EPHA7: variants seen among roughly 807,000 people sequenced by gnomAD.
The protein encoded by EPHA7 is ephrin type-A receptor 7.
Under a neutral mutation model 112.6 loss-of-function variants are expected in EPHA7, and 25 were observed. The ratio of observed to expected loss-of-function variants is 0.22; its 90% CI spans 0.16 to 0.31. The LOEUF is 0.31. Ranked by LOEUF, EPHA7 falls within the 10% of genes least tolerant of loss-of-function variation. The pLI is 1.00. For missense variants in EPHA7, 962 were observed against 1,212.6 expected, an observed-to-expected ratio of 0.79 and a Z score of 3.07; for synonymous variants, 437 against 406.5, an observed-to-expected ratio of 1.07 and a Z score of -0.90.
chr6:93,304,209 G>A (rs967855071), intron 5 of EPHA7, among the ~76,000 whole-genome samples: 5 of 150,636 alleles, frequency 3.3e-5, no homozygotes, highest in Non-Finnish European at 5.9e-5. Flanking sequence ...CATTGAGCAA[G>A]TATATACTTG....
chr6:93,408,076 G>A (rs892421311), intron 3 of EPHA7, among the ~76,000 whole-genome samples: 2 of 151,848 alleles, frequency 1.3e-5, no homozygotes, highest in South Asian at 2.1e-4. Flanking sequence ...ACAAAAACCC[G>A]TAATCTTCTT....
At chr6:93,371,968 GA>G (rs1300244904) in intron 3 of EPHA7, among the ~76,000 whole-genome samples, 1 of 152,136 alleles carries the variant, frequency 6.6e-6, no homozygotes, top group East Asian at 1.9e-4. Context: ...GTCACAGATG[GA>G]TACCAGGTGG....
chr6:93,388,472 A>T (rs1488653566), intron 3 of EPHA7, among the ~76,000 whole-genome samples: 1 of 152,128 alleles, frequency 6.6e-6, no homozygotes, highest in African/African-American at 2.4e-5. Flanking sequence ...CTTCATTTAT[A>T]TGTGTAATCA....
At chr6:93,417,424 C>T (rs893799189) in intron 1 of EPHA7, among the ~76,000 whole-genome samples, 2 of 152,222 alleles carry the variant, frequency 1.3e-5, no homozygotes, top group African/African-American at 4.8e-5. Flanking sequence ...ACCACCCTCC[C>T]TCCCATCACC....
intron 14 of EPHA7, 36 bp downstream of exon 14, chr6:93,254,611 T>G (rs1770355595): frequency 6.3e-7 from 1 of 1,588,784 alleles, no homozygotes; most frequent in African/African-American, 1.3e-5. Context: ...CATTAATGTA[T>G]TCAATCCTTT....
chr6:93,260,542 T>TG, intron 9 of EPHA7: 1 of 960,426 alleles, frequency 1.0e-6, no homozygotes. Flanking sequence ...TCTTACTATT[T>TG]GGAGAACAAT....
chr6:93,310,922 T>C (rs1160502876), intron 5 of EPHA7, among the ~76,000 whole-genome samples: 1 of 152,112 alleles, frequency 6.6e-6, no homozygotes, highest in Admixed American at 6.6e-5. Flanking sequence ...GCTGCATCAA[T>C]TGACACTTCC....
intron 3 of EPHA7, among the ~76,000 whole-genome samples, chr6:93,377,163 TGGAGGA>T (rs1418574446): frequency 1.3e-5 from 2 of 152,182 alleles, no homozygotes; most frequent in African/African-American, 4.8e-5. Context: ...TAACTGGGTG[TGGAGGA>T]GGTCTGTTAC....
At chr6:93,340,793 A>G (rs1775100623) in intron 5 of EPHA7, among the ~76,000 whole-genome samples, 1 of 151,956 alleles carries the variant, frequency 6.6e-6, no homozygotes, top group Non-Finnish European at 1.5e-5. Context: ...ATATGTCTTC[A>G]ATTATTTTTG....
chr6:93,398,772 G>C (rs1778301829), intron 3 of EPHA7, among the ~76,000 whole-genome samples: 1 of 152,028 alleles, frequency 6.6e-6, no homozygotes, highest in Non-Finnish European at 1.5e-5. Context: ...AATTTACAAA[G>C]GAGGGAAATG....
chr6:93,252,430 C>T (rs1280600243), intron 14 of EPHA7, among the ~76,000 whole-genome samples: 1 of 83,830 alleles, frequency 1.2e-5, no homozygotes, highest in Non-Finnish European at 3.0e-5. Context: ...GGCAACCTTC[C>T]CAGAAAAAAA....
intron 2 of EPHA7, among the ~76,000 whole-genome samples, chr6:93,413,161 T>C (rs775287141): frequency 1.3e-5 from 2 of 152,010 alleles, no homozygotes; most frequent in African/African-American, 2.4e-5. Context: ...TCAAAACTTA[T>C]ATCTCAAGAA....
At chr6:93,397,346 C>A (rs117092495) in intron 3 of EPHA7, among the ~76,000 whole-genome samples, 5 of 150,626 alleles carry the variant, frequency 3.3e-5, no homozygotes, top group Non-Finnish European at 4.5e-5. Context: ...TTCTATAAAA[C>A]AGAGTAAACA....
At chr6:93,363,214 C>T (rs543334581) in intron 3 of EPHA7, among the ~76,000 whole-genome samples, 2 of 152,180 alleles carry the variant, frequency 1.3e-5, no homozygotes, top group Admixed American at 1.3e-4. Context: ...TATAGGTGTT[C>T]AGAACCAACA....
Position 93,300,573 on chromosome 6 carries a change from T to C in EPHA7, c.1325-28151A>G, listed in dbSNP as rs1027396464. Among the ~76,000 whole-genome samples the C allele has an allele frequency of 6.6e-5, 10 of 152,164 alleles. No individual in the cohort carries two copies. The East Asian group carries it at 1.9e-3, about 29-fold the overall frequency. On this transcript the variant is annotated intron_variant, in intron 5 of 16. Transcript: ENST00000369303. ...ACAATAATAAACAGTCCTCGATGTT[T>C]AGTCAAATTTTGCTAACACTTAATC... is the stretch of plus-strand genomic sequence containing the variant.
At chr6:93,382,138 G>A (rs914826511) in intron 3 of EPHA7, among the ~76,000 whole-genome samples, 4 of 152,110 alleles carry the variant, frequency 2.6e-5, no homozygotes, top group Non-Finnish European at 5.9e-5. Flanking sequence ...TATAAAGAAG[G>A]TGGAGTCCTT....
At chr6:93,373,447 C>A (rs996758340) in intron 3 of EPHA7, among the ~76,000 whole-genome samples, 3 of 151,984 alleles carry the variant, frequency 2.0e-5, no homozygotes, top group Non-Finnish European at 2.9e-5. Flanking sequence ...GGGAAACTTG[C>A]GTGTAATTTA....
At chr6:93,253,985 A>G (rs1460203560) in intron 14 of EPHA7, among the ~76,000 whole-genome samples, 1 of 151,976 alleles carries the variant, frequency 6.6e-6, no homozygotes, top group Non-Finnish European at 1.5e-5. Context: ...AGATGTATAC[A>G]CGCTCACATG....
intron 5 of EPHA7, among the ~76,000 whole-genome samples, chr6:93,349,291 T>C (rs1262987216): frequency 6.6e-6 from 1 of 151,846 alleles, no homozygotes. Context: ...TTAAATAAAT[T>C]TCACTAACAG....
Sources: allele counts gnomAD v4.1 joint callset (sites outside exome capture counted in the v4.1 genomes callset), GRCh38; gene constraint gnomAD v4.1.1; transcripts MANE v1.5; gene names NCBI Gene and HGNC (gene_info 2026-07-23, HGNC 2026-07-21).